KAZN: variants seen among roughly 807,000 people sequenced by gnomAD.
KAZN encodes the protein kazrin.
A neutral mutation model predicts 87.4 loss-of-function variants in KAZN; 40 were observed. The ratio of observed to expected loss-of-function variants is 0.46; its 90% confidence interval spans 0.36 to 0.60. The LOEUF is 0.60. KAZN is among the 20% of genes least tolerant of loss of function. KAZN has a pLI of 0.00. For synonymous variants in KAZN, 466 were observed against 458.3 expected, an observed-to-expected ratio of 1.02 and a Z score of -0.22; for missense variants, 898 against 1,073.9, an observed-to-expected ratio of 0.84 and a Z score of 2.29.
At chr1:14,895,747 A>C (rs1655196157) in intron 1 of KAZN, among the ~76,000 whole-genome samples, 1 of 152,218 alleles carries the variant, frequency 6.6e-6, no homozygotes, top group Non-Finnish European at 1.5e-5. Flanking sequence ...GATCCCTGGC[A>C]GCAGAAAGCT....
chr1:14,206,256 TTTTTC>T lies in KAZN; in HGVS notation c.249+25671_249+25675del, dbSNP rs560389768. On this transcript the variant is annotated intron_variant, in intron 2 of 16. Coordinates refer to the KAZN transcript ENST00000636203. Reference sequence around the variant, plus strand: ...CCACAAAGTCAGCTGACTTTTTGTTTTTTTCTTTTCTGATTTTTTAAAAAAGAAAT... The same window carrying T: ...CCACAAAGTCAGCTGACTTTTTGTTTTTTTCTGATTTTTTAAAAAAGAAAT... 1.3e-3 allele frequency among the ~76,000 whole-genome samples: 204 copies of T among 152,344 alleles called. 3 individuals are homozygous for T. Among genetic ancestry groups the T allele is most frequent in the Middle Eastern group, 0.01 (3 of 294 alleles).
intron 1 of KAZN, among the ~76,000 whole-genome samples, chr1:14,851,426 G>A (rs1649426173): frequency 6.6e-6 from 1 of 152,224 alleles, no homozygotes; most frequent in African/African-American, 2.4e-5. Flanking sequence ...AGCCCCTGGA[G>A]CAGAATCTCA....
At chr1:14,573,055 C>A (rs1674965877) in intron 2 of KAZN, among the ~76,000 whole-genome samples, 1 of 152,130 alleles carries the variant, frequency 6.6e-6, no homozygotes, top group South Asian at 2.1e-4. Flanking sequence ...CTCCTCAGCT[C>A]TGAGGAATGG....
intron 13 of KAZN, among the ~76,000 whole-genome samples, chr1:15,110,943 G>C (rs1641587690): frequency 6.6e-6 from 1 of 152,218 alleles, no homozygotes; most frequent in African/African-American, 2.4e-5. Context: ...CTCTGTGCCA[G>C]AGAGCAAACA....
intron 2 of KAZN, among the ~76,000 whole-genome samples, chr1:14,261,513 G>A (rs144469455): frequency 4.1e-4 from 63 of 152,262 alleles, no homozygotes; most frequent in East Asian, 3.9e-3. Flanking sequence ...GATTTTCTGC[G>A]TGGCCTTTTA....
intron 1 of KAZN, among the ~76,000 whole-genome samples, chr1:14,094,835 G>A (rs188052582): frequency 1.6e-4 from 24 of 152,230 alleles, no homozygotes; most frequent in African/African-American, 5.5e-4. Context: ...GGCACTTCAG[G>A]GTTGGACATT....
chr1:14,280,389 AAAAAAAAAAG>A (rs1652756250), intron 2 of KAZN, among the ~76,000 whole-genome samples: 1 of 150,870 alleles, frequency 6.6e-6, no homozygotes, highest in South Asian at 2.1e-4. Flanking sequence ...AAAAAAAAAA[AAAAAAAAAAG>A]ACGAGGTTGC....
chr1:14,626,060 A>G (rs1679119766), intron 1 of KAZN, among the ~76,000 whole-genome samples: 1 of 152,228 alleles, frequency 6.6e-6, no homozygotes. Context: ...GGCACAGCTC[A>G]TGAGAATTCC....
At chr1:14,686,925 T>G (rs1640989954) in intron 1 of KAZN, among the ~76,000 whole-genome samples, 1 of 152,214 alleles carries the variant, frequency 6.6e-6, no homozygotes, top group African/African-American at 2.4e-5. Context: ...ATTAACGCCC[T>G]GGGCTGGCTG....
intron 2 of KAZN, among the ~76,000 whole-genome samples, chr1:14,371,353 A>ATC (rs1660469834): frequency 6.6e-6 from 1 of 152,146 alleles, no homozygotes; most frequent in Non-Finnish European, 1.5e-5. Flanking sequence ...TACATGCTTA[A>ATC]TCCCCTCTTG....
chr1:14,059,928 C>T (rs548480554), intron 1 of KAZN, among the ~76,000 whole-genome samples: 38 of 152,282 alleles, frequency 2.5e-4, no homozygotes, highest in African/African-American at 8.4e-4. Flanking sequence ...TTTGCAAAAG[C>T]CAGAACCTGT....
chr1:14,182,613 A>G (rs1031779429), intron 2 of KAZN, among the ~76,000 whole-genome samples: 1 of 152,212 alleles, frequency 6.6e-6, no homozygotes, highest in Non-Finnish European at 1.5e-5. Flanking sequence ...TAAAATGCCA[A>G]GGAATCCCAA....
intron 2 of KAZN, among the ~76,000 whole-genome samples, chr1:14,429,682 T>C (rs1490409329): frequency 1.3e-5 from 2 of 152,162 alleles, no homozygotes; most frequent in Admixed American, 6.5e-5. Context: ...ATTTGAGGAA[T>C]TACTGGGTAC....
At chr1:15,055,203 G>A (rs1184774781) in intron 4 of KAZN, among the ~76,000 whole-genome samples, 3 of 152,208 alleles carry the variant, frequency 2.0e-5, no homozygotes, top group Non-Finnish European at 4.4e-5. Context: ...GGGGCCGGGC[G>A]CAGTGGCTCA....
At chr1:14,827,625 G>A (rs1202808486) in intron 1 of KAZN, among the ~76,000 whole-genome samples, 1 of 152,236 alleles carries the variant, frequency 6.6e-6, no homozygotes, top group African/African-American at 2.4e-5. Context: ...GGGAAAGAGG[G>A]AGTGGGTCCC....
chr1:14,261,909 C>T (rs1651053824), intron 2 of KAZN, among the ~76,000 whole-genome samples: 2 of 152,168 alleles, frequency 1.3e-5, no homozygotes, highest in Admixed American at 6.5e-5. Context: ...CCGAGACCCA[C>T]TTTACCTAAA....
At chr1:14,130,629 A>G (rs1644972629) in intron 1 of KAZN, among the ~76,000 whole-genome samples, 1 of 30,496 alleles carries the variant, frequency 3.3e-5, no homozygotes, top group Non-Finnish European at 5.0e-5. Flanking sequence ...CCTGAGTAAA[A>G]GTAGTCCTTA....
chr1:14,254,918 C>G (rs969518556), intron 2 of KAZN, among the ~76,000 whole-genome samples: 3 of 151,644 alleles, frequency 2.0e-5, no homozygotes, highest in Non-Finnish European at 4.4e-5. Flanking sequence ...GTCAGGAGTT[C>G]GAGACCAGCC....
In KAZN at chr1:14,076,894, G is replaced by A. The variant is rs111883373; in HGVS notation, c.92-103541G>A. Among the ~76,000 whole-genome samples the A allele has an allele frequency of 3.7e-3, 564 of 152,308 alleles. 1 individual carries two copies. The highest frequency in any genetic ancestry group is 0.012 in the African/African-American group (517 of 41,556). On this transcript the variant is annotated intron_variant, in intron 1 of 16. Coordinates refer to the KAZN transcript ENST00000636203. ...AGAATCAGCCCATGAATGGCTGAGCGTGGAACTAAAGATGCAAGGTGAGGA... is the reference window on the plus strand; with the variant it reads ...AGAATCAGCCCATGAATGGCTGAGCATGGAACTAAAGATGCAAGGTGAGGA...
Sources: gnomAD v4.1 joint callset for allele counts (sites outside exome capture counted in the v4.1 genomes callset) on GRCh38, gnomAD v4.1.1 for gene constraint, MANE v1.5 for transcripts, NCBI Gene and HGNC (gene_info 2026-07-23, HGNC 2026-07-21) for gene names.